Variants in DIP2C observed in about 807,000 individuals in gnomAD.
The protein encoded by DIP2C is disco-interacting protein 2 homolog C.
DIP2C carries 33 observed loss-of-function variants against 192.4 expected under a neutral mutation model. That is an observed-to-expected ratio of 0.17 (90% CI 0.13 to 0.23). DIP2C has a LOEUF of 0.23. Ranked by LOEUF, DIP2C falls within the 10% of genes least tolerant of loss-of-function variation. DIP2C has a pLI of 1.00. For synonymous variants in DIP2C, 979 were observed against 864.1 expected (o/e 1.13, Z -2.33); for missense variants, 1,537 against 2,110.1 (o/e 0.73, Z 5.32).
At chr10:674,789 TAGAGAGAGAGAG>T (rs1554772102) in intron 1 of DIP2C, among the ~76,000 whole-genome samples, 8 of 62,498 alleles carry the variant, frequency 1.3e-4, no homozygotes, top group African/African-American at 6.3e-4. Flanking sequence ...TATATATATA[TAGAGAGAGAGAG>T]AGAGAGAGAG....
At chr10:512,187 T>TA (rs1285900034) in intron 1 of DIP2C, among the ~76,000 whole-genome samples, 4 of 152,244 alleles carry the variant, frequency 2.6e-5, no homozygotes, top group African/African-American at 9.6e-5. Context: ...GTCTTGTTTT[T>TA]ATCCTAGAGG....
chr10:394,330 T>C, intron 10 of DIP2C, among the ~76,000 whole-genome samples: 1 of 150,598 alleles, frequency 6.6e-6, no homozygotes, highest in South Asian at 2.1e-4. Context: ...TGCTCTGTGC[T>C]GAACTGGAAG....
intron 10 of DIP2C, among the ~76,000 whole-genome samples, chr10:392,703 C>T (rs1039997658): frequency 2.6e-5 from 4 of 151,944 alleles, no homozygotes; most frequent in East Asian, 1.9e-4. Context: ...AACACACATA[C>T]GTGCCCAGGT....
chr10:341,495 C>T (rs903264990), intron 28 of DIP2C, among the ~76,000 whole-genome samples, 166 bp from the exon 29 acceptor site: 10 of 151,608 alleles, frequency 6.6e-5, no homozygotes, highest in South Asian at 2.1e-4. Flanking sequence ...CTGTTTTGAA[C>T]GCATCGGACC....
intron 1 of DIP2C, among the ~76,000 whole-genome samples, chr10:503,212 C>T (rs1196804611): frequency 1.3e-5 from 2 of 151,948 alleles, no homozygotes; most frequent in South Asian, 2.1e-4. Context: ...ACATAAATCC[C>T]GCCAGGACAC....
At position 357,933 on chromosome 10, in the gene DIP2C, G is replaced by A. The variant is rs748480850; in HGVS notation, c.2799C>T (p.Ile933=). 5.6e-6 allele frequency: 9 copies of A among 1,610,680 alleles called. No homozygotes were observed. Among genetic ancestry groups the A allele is most frequent in the South Asian group, 4.4e-5 (4 of 90,964 alleles). ...TCCCCACCATCACAGAGGCAGGGCC[G>A]ATTTCTAGAAAGAAACAGAGACATG... The part of the protein sequence containing the change: ...LPKPRQKQPE[I]GPASVMVGNL... Residue 933 remains isoleucine, a synonymous_variant, in exon 23 of 37, where the codon ATC becomes ATT. Coordinates refer to ENST00000280886, the MANE Select transcript of DIP2C (RefSeq NM_014974.3).
chr10:574,429 G>A (rs1034745250), intron 1 of DIP2C, among the ~76,000 whole-genome samples: 1 of 152,228 alleles, frequency 6.6e-6, no homozygotes, highest in Non-Finnish European at 1.5e-5. Context: ...TGCTAACGAT[G>A]AAGCAGAAGA....
intron 1 of DIP2C, among the ~76,000 whole-genome samples, chr10:525,868 C>T (rs1158930365): frequency 3.9e-5 from 6 of 152,166 alleles, no homozygotes; most frequent in African/African-American, 1.4e-4. Context: ...GGGTAGTCAA[C>T]CCAGGGCCTC....
chr10:651,054 C>T lies in DIP2C; in HGVS notation c.85+38440G>A. 1.4e-6 allele frequency: 1 copy of T among 717,588 alleles called. No individual in the cohort carries two copies. The highest frequency in any genetic ancestry group is 2.6e-6 in the Non-Finnish European group (1 of 385,120). The allele number at this position is 717,588 out of a possible 1,614,324, so 44.5% of individuals were successfully genotyped here. A position where few individuals can be genotyped will look rare whatever the true frequency, so the allele number is the denominator to read the frequency against. On this transcript the variant is annotated intron_variant, in intron 1 of 36. Coordinates refer to ENST00000280886, the MANE Select transcript of DIP2C (RefSeq NM_014974.3). This position sits in a 1 kb window ranked among gnomAD's most constrained non-coding sequence, Gnocchi z 4.1. ...GCAGAAGCCCCTTTCCATCCTAGCC[C>T]CTGCCACCCCTCCTGCTCTTGTCTC...
intron 1 of DIP2C, among the ~76,000 whole-genome samples, chr10:584,690 T>C (rs1483909742): frequency 1.3e-4 from 10 of 77,902 alleles, no homozygotes; most frequent in African/African-American, 5.8e-4. Flanking sequence ...CTCACGCGCA[T>C]CACCTCTCAA....
chr10:487,285 G>C (rs1037154584), intron 1 of DIP2C, among the ~76,000 whole-genome samples: 1 of 152,296 alleles, frequency 6.6e-6, no homozygotes, highest in Admixed American at 6.5e-5. Flanking sequence ...TGTTTTCTAA[G>C]ACTGATCAAA....
rs145045075 is a variant in DIP2C at position 373,184 on chromosome 10, A to G, written c.1992-3551T>C. ...TGGTCTTTGCCTCTGATCCCAGGAC[A>G]CTGAGTGAATCAGTCTACTGCTCTC... On this transcript the variant is annotated intron_variant, in intron 17 of 36. Transcript: ENST00000280886. Among the ~76,000 whole-genome samples the G allele has an allele frequency of 3.9e-3, 598 of 152,274 alleles. 4 individuals carry two copies. Among genetic ancestry groups the G allele is most frequent in the South Asian group, 0.023 (112 of 4,814 alleles).
intron 1 of DIP2C, chr10:668,135 TACAAC>T (rs1305735845): frequency 3.6e-5 from 5 of 137,126 alleles, no homozygotes; most frequent in South Asian, 2.3e-4. Context: ...ATACAACATA[TACAAC>T]ACAACACTCA....
intron 29 of DIP2C, among the ~76,000 whole-genome samples, chr10:332,704 C>T (rs1359866795): frequency 6.6e-6 from 1 of 152,220 alleles, no homozygotes; most frequent in Non-Finnish European, 1.5e-5. Context: ...AAGTAATACA[C>T]ATTCGCACAT....
intron 3 of DIP2C, among the ~76,000 whole-genome samples, chr10:470,898 G>A (rs1307766594): frequency 2.6e-5 from 4 of 152,198 alleles, no homozygotes; most frequent in African/African-American, 9.6e-5. Context: ...AACTCAGCCT[G>A]CGTGCATGTC....
At chr10:400,051 A>AT (rs1252747804) in intron 9 of DIP2C, among the ~76,000 whole-genome samples, 3 of 151,966 alleles carry the variant, frequency 2.0e-5, no homozygotes, top group African/African-American at 7.3e-5. Flanking sequence ...AGATATTATG[A>AT]TTTTTTTTCT....
chr10:438,322 ATG>A (rs1032717177), intron 4 of DIP2C, among the ~76,000 whole-genome samples: 3 of 152,200 alleles, frequency 2.0e-5, no homozygotes, highest in African/African-American at 4.8e-5. Flanking sequence ...GTCAAGAAAA[ATG>A]TGTGTTGCCT....
At chr10:480,077 C>G (rs1470351818) in intron 2 of DIP2C, among the ~76,000 whole-genome samples, 1 of 151,036 alleles carries the variant, frequency 6.6e-6, no homozygotes, top group Admixed American at 6.6e-5. Flanking sequence ...TGAGTGTCAT[C>G]CGCCAGCCTG....
At chr10:434,166 T>C (rs1966984861) in intron 4 of DIP2C, among the ~76,000 whole-genome samples, 1 of 152,238 alleles carries the variant, frequency 6.6e-6, no homozygotes, top group Non-Finnish European at 1.5e-5. Flanking sequence ...ACTGTGTGTA[T>C]ATGGTATATA....
Sources: allele counts gnomAD v4.1 joint callset (sites outside exome capture counted in the v4.1 genomes callset), GRCh38; gene constraint gnomAD v4.1.1; non-coding constraint Gnocchi (gnomAD v3.1); transcripts MANE v1.5; gene names NCBI Gene and HGNC (gene_info 2026-07-23, HGNC 2026-07-21).